The following SLC6A5 variants were observed in gnomAD, a reference collection of about 807,000 sequenced individuals.
The protein encoded by SLC6A5 is solute carrier family 6 member 5, also known as sodium- and chloride-dependent glycine transporter 2.
SLC6A5 carries 58 observed loss-of-function variants against 90.5 expected under a neutral mutation model. The observed-to-expected ratio is 0.64, with a 90% CI of 0.52 to 0.80. The LOEUF (loss-of-function observed/expected upper bound fraction) is 0.80, where lower values mean the gene tolerates loss of function less well. Ranked by LOEUF, SLC6A5 falls within the 30% of genes least tolerant of loss-of-function variation. SLC6A5 has a pLI of 0.00. For missense variants in SLC6A5, 1,015 were observed against 1,017.6 expected (o/e 1.00, Z 0.03); for synonymous variants, 427 against 401.4 (o/e 1.06, Z -0.76).
Position 20,654,871 on chromosome 11 carries a change from CA to C in SLC6A5, c.*4del, listed in dbSNP as rs768868218. The C allele has an allele frequency of 1.2e-6, 2 of 1,613,834 alleles. No individual in the cohort carries two copies. Among genetic ancestry groups the C allele is most frequent in the Non-Finnish European group, 1.7e-6 (2 of 1,179,826 alleles). ...TGGAACTGGGCACTCAGTGCTAGTC[CA>C]GTGGTGTGGGATGGTCCAGACTTGA... On this transcript the variant is annotated 3_prime_UTR_variant, in exon 16 of 16. Transcript: ENST00000525748.
intron 14 of SLC6A5, among the ~76,000 whole-genome samples, chr11:20,647,381 TTATA>T (rs1416292564): frequency 2.1e-5 from 2 of 95,428 alleles, no homozygotes; most frequent in African/African-American, 3.2e-5. Context: ...TATATTCCTA[TTATA>T]TAGTTATATA....
intron 13 of SLC6A5, among the ~76,000 whole-genome samples, chr11:20,639,767 A>G (rs1433188426): frequency 6.6e-6 from 1 of 152,220 alleles, no homozygotes; most frequent in East Asian, 1.9e-4. Context: ...CTCCAGAAAC[A>G]GGATGATACC....
chr11:20,629,577 G>A (rs770648400), intron 9 of SLC6A5, among the ~76,000 whole-genome samples: 12 of 152,120 alleles, frequency 7.9e-5, no homozygotes, highest in Non-Finnish European at 1.5e-4. Context: ...TGTATACAAT[G>A]TGTAATGATC....
chr11:20,618,795 G>T (rs1590164269), intron 7 of SLC6A5, among the ~76,000 whole-genome samples: 1 of 152,026 alleles, frequency 6.6e-6, no homozygotes, highest in African/African-American at 2.4e-5. Context: ...AAATTAGCTG[G>T]GCATGGTGGG....
Position 20,638,556 on chromosome 11 carries a change from A to G in SLC6A5, c.1967A>G (p.Tyr656Cys). Residue 656 changes from tyrosine to cysteine, a missense_variant and splice_region_variant, in exon 13 of 16, where the codon TAT becomes TGT. By Grantham distance (194) the Tyr-to-Cys change is radical (BLOSUM62 -2). Around this residue, in one of 3 missense-constraint regions of SLC6A5, gnomAD observed 442 missense variants for 494.3 expected, o/e 0.89. Transcript: ENST00000525748. ...GAGCTCGTGGGGATCTCTTATGTGT[A>G]TGGTAAGGAAATCACTGTGCCTGTT... Reference protein sequence around the residue: ...IFELVGISYVYGLQRFCEDIE... With the variant: ...IFELVGISYVCGLQRFCEDIE... 1 of 1,581,436 alleles carries G rather than the reference A, an allele frequency of 6.3e-7. No homozygotes were observed. Among genetic ancestry groups the G allele is most frequent in the Non-Finnish European group, 8.7e-7 (1 of 1,150,404 alleles).
Position 20,654,743 on chromosome 11 carries a change from G to C in SLC6A5, c.2269G>C (p.Asp757His). 3.1e-6 allele frequency: 5 copies of C among 1,614,172 alleles called. No individual in the cohort carries two copies. The highest frequency in any genetic ancestry group is 4.2e-6 in the Non-Finnish European group (5 of 1,180,032). The change falls in exon 16 of 16, where the codon GAC becomes CAC. Residue 757 changes from aspartate (D) to histidine (H), a missense_variant. Transcript: ENST00000525748. ...GAAGTTGGTGTGCTCGCCACAGCCGGACTGGGGCCCATTCTTAGCTCAACA... is the reference window on the plus strand; with the variant it reads ...GAAGTTGGTGTGCTCGCCACAGCCGCACTGGGGCCCATTCTTAGCTCAACA... The part of the protein sequence containing the change: ...RLKLVCSPQP[D>H]WGPFLAQHRG...
chr11:20,643,351 T>G (rs1853350627), intron 13 of SLC6A5, among the ~76,000 whole-genome samples: 1 of 152,088 alleles, frequency 6.6e-6, no homozygotes, highest in Non-Finnish European at 1.5e-5. Flanking sequence ...GAAGGCCTAG[T>G]GATCAGAGGC....
chr11:20,635,484 A>G (rs1853188381), intron 10 of SLC6A5, among the ~76,000 whole-genome samples: 1 of 152,116 alleles, frequency 6.6e-6, no homozygotes, highest in African/African-American at 2.4e-5. Context: ...TGTTAGATTC[A>G]TATTTTATGT....
chr11:20,643,137 A>G (rs1457772906), intron 13 of SLC6A5, among the ~76,000 whole-genome samples: 3 of 152,100 alleles, frequency 2.0e-5, no homozygotes, highest in African/African-American at 7.2e-5. Context: ...TCAAGCCACA[A>G]GCCACCATCT....
intron 5 of SLC6A5, among the ~76,000 whole-genome samples, chr11:20,611,286 C>G (rs1397833557): frequency 6.6e-6 from 1 of 152,130 alleles, no homozygotes; most frequent in Non-Finnish European, 1.5e-5. Context: ...AAAACCCTGT[C>G]TCTACTAAAA....
intron 10 of SLC6A5, among the ~76,000 whole-genome samples, chr11:20,632,481 A>T (rs774714194): frequency 6.6e-6 from 1 of 152,056 alleles, no homozygotes; most frequent in Non-Finnish European, 1.5e-5. Flanking sequence ...CTCCTTTCCA[A>T]TGTTTTTTCA....
At position 20,637,261 on chromosome 11, in the gene SLC6A5, C is replaced by T. The variant is rs2133809512; in HGVS notation, c.1827C>T (p.Cys609=). 2 of 1,612,060 alleles carry T rather than the reference C, an allele frequency of 1.2e-6. No individual in the cohort carries two copies. The highest frequency in any genetic ancestry group is 8.5e-7 in the Non-Finnish European group (1 of 1,178,792). ...ACAAGCCAGTGTTTACTCTGGGCTG[C>T]TGCATTTGTTTCTTCATCATGGGTT... is the stretch of plus-strand genomic sequence containing the variant. The part of the protein sequence containing the change: ...RTHKPVFTLG[C]CICFFIMGFP... The change falls in exon 12 of 16, where the codon TGC becomes TGT. Residue 609 remains cysteine, a synonymous_variant. Coordinates refer to ENST00000525748, the MANE Select transcript of SLC6A5 (RefSeq NM_004211.5).
In SLC6A5 at chr11:20,600,335, G is replaced by A. The variant is rs139079391; in HGVS notation, c.3+660G>A. On this transcript the variant is annotated intron_variant, in intron 1 of 15. Coordinates refer to ENST00000525748, the MANE Select transcript of SLC6A5 (RefSeq NM_004211.5). ...AATAGTTACGCAAAAAAGAAGAAGAGGAAGAAGAAGAAGAAGAAGAAGAAG... is the reference window on the plus strand; with the variant it reads ...AATAGTTACGCAAAAAAGAAGAAGAAGAAGAAGAAGAAGAAGAAGAAGAAG... Among the ~76,000 whole-genome samples, 812 of 87,886 alleles carry A rather than the reference G, an allele frequency of 9.2e-3. 35 individuals are homozygous for A. The highest frequency in any genetic ancestry group is 0.076 in the East Asian group (226 of 2,980). 57.7% of individuals were successfully genotyped at this position (87,886 alleles called of 152,430 possible). A position where few individuals can be genotyped will look rare whatever the true frequency, so the allele number is the denominator to read the frequency against.
chr11:20,602,107 G>GT (rs1852492029), intron 2 of SLC6A5, among the ~76,000 whole-genome samples: 1 of 152,224 alleles, frequency 6.6e-6, no homozygotes, highest in Non-Finnish European at 1.5e-5. Context: ...GAGGATAATA[G>GT]TTTAAGTTTT....
intron 14 of SLC6A5, among the ~76,000 whole-genome samples, chr11:20,648,234 A>G (rs534673587): frequency 1.3e-5 from 2 of 152,356 alleles, no homozygotes; most frequent in African/African-American, 2.4e-5. Context: ...GTTTCCCTAA[A>G]GGCAACCAAG....
intron 14 of SLC6A5, among the ~76,000 whole-genome samples, 200 bp downstream of exon 14, chr11:20,647,134 G>A (rs527537703): frequency 1.3e-5 from 2 of 151,374 alleles, no homozygotes; most frequent in African/African-American, 4.8e-5. Context: ...TGCCTAGCAG[G>A]TCAGGTGCAG....
At position 20,659,268 on chromosome 11, in the gene SLC6A5, T is replaced by C. The variant is rs950926215; in HGVS notation, c.*4400T>C. Reference sequence around the variant, plus strand: ...GAGTTCACAAAACCCTAAATAAATGTCAGTGTTTAAAACATGATTATAGTA... The same window carrying C: ...GAGTTCACAAAACCCTAAATAAATGCCAGTGTTTAAAACATGATTATAGTA... On this transcript the variant is annotated 3_prime_UTR_variant, in exon 16 of 16. Transcript: ENST00000525748. 5 of 152,084 alleles carry C rather than the reference T, an allele frequency of 3.3e-5. No homozygotes were observed. The highest frequency in any genetic ancestry group is 1.2e-4 in the African/African-American group (5 of 41,432). The allele number at this position is 152,084 out of a possible 1,614,324, so 9.4% of individuals were successfully genotyped here.
At chr11:20,640,515 G>T (rs921028307) in intron 13 of SLC6A5, among the ~76,000 whole-genome samples, 8 of 152,106 alleles carry the variant, frequency 5.3e-5, no homozygotes, top group Admixed American at 4.6e-4. Flanking sequence ...GAATCCCCTG[G>T]TTTCTAAGTA....
At chr11:20,627,507 C>T (rs1174642434) in intron 8 of SLC6A5, among the ~76,000 whole-genome samples, 1 of 152,194 alleles carries the variant, frequency 6.6e-6, no homozygotes, top group Non-Finnish European at 1.5e-5. Flanking sequence ...TAGGACGTGA[C>T]ACTATAAAGT....
Sources: allele counts gnomAD v4.1 joint callset (sites outside exome capture counted in the v4.1 genomes callset), GRCh38; gene constraint gnomAD v4.1.1; regional missense constraint gnomAD v4.1.1; transcripts MANE v1.5; gene names NCBI Gene and HGNC (gene_info 2026-07-23, HGNC 2026-07-21).